BTBD9: variants seen among roughly 807,000 people sequenced by gnomAD.
BTBD9 encodes the protein BTB/POZ domain-containing protein 9.
Under a neutral mutation model 64.3 loss-of-function variants are expected in BTBD9, and 49 were observed. The observed-to-expected ratio is 0.76, with a 90% CI of 0.61 to 0.97. The LOEUF (loss-of-function observed/expected upper bound fraction) is 0.97, where lower values mean the gene tolerates loss of function less well. BTBD9 is among the 50% of genes least tolerant of loss of function. BTBD9 has a pLI of 0.00. For synonymous variants in BTBD9, 260 were observed against 274.7 expected, an observed-to-expected ratio of 0.95 and a Z score of 0.53; for missense variants, 598 against 762.1, an observed-to-expected ratio of 0.78 and a Z score of 2.53.
Position 38,290,175 on chromosome 6 carries a change from G to C in BTBD9, c.1265-1714C>G, listed in dbSNP as rs528688098. Among the ~76,000 whole-genome samples the C allele has an allele frequency of 4.0e-5, 6 of 148,308 alleles. No individual in the cohort carries two copies. In the East Asian group the frequency reaches 1.2e-3, roughly 29 times the overall value. On this transcript the variant is annotated intron_variant, in intron 7 of 10. Transcript: ENST00000481247. Reference sequence around the variant, plus strand: ...CAGAGAAGAAAGGAAGGGAGAGGAGGGAGAGAGAGAGGATGAATTTTTCTG... The same window carrying C: ...CAGAGAAGAAAGGAAGGGAGAGGAGCGAGAGAGAGAGGATGAATTTTTCTG...
chr6:38,180,037 G>C (rs1200525288), intron 10 of BTBD9, among the ~76,000 whole-genome samples: 1 of 152,224 alleles, frequency 6.6e-6, no homozygotes, highest in Admixed American at 6.5e-5. Flanking sequence ...CATCTCTGTT[G>C]ATGATTTAAG....
At chr6:38,527,053 T>C (rs1194304604) in intron 6 of BTBD9, among the ~76,000 whole-genome samples, 1 of 151,722 alleles carries the variant, frequency 6.6e-6, no homozygotes, top group Non-Finnish European at 1.5e-5. Flanking sequence ...GGCAGATGGA[T>C]CATCTGAGGT....
At chr6:38,301,616 A>C (rs1762406335) in intron 7 of BTBD9, among the ~76,000 whole-genome samples, 1 of 152,022 alleles carries the variant, frequency 6.6e-6, no homozygotes, top group South Asian at 2.1e-4. Context: ...GAATTTATCC[A>C]TTTCTTCTAG....
chr6:38,282,307 T>C (rs950985340), intron 8 of BTBD9, among the ~76,000 whole-genome samples: 1 of 152,238 alleles, frequency 6.6e-6, no homozygotes, highest in Admixed American at 6.5e-5. Flanking sequence ...TGCGTAACTT[T>C]TGCTGTGCTT....
intron 6 of BTBD9, among the ~76,000 whole-genome samples, chr6:38,555,178 T>C (rs1385676996): frequency 2.0e-5 from 3 of 152,256 alleles, no homozygotes; most frequent in Admixed American, 2.0e-4. Flanking sequence ...ATCAAGGTTC[T>C]GTTTCTTTGC....
rs576993935 is a variant in BTBD9 at position 38,269,981 on chromosome 6, G to A, written c.1455-13465C>T. ...AAACCGTACAGAAACCAGGCTTTCC[G>A]GTGATAGACACTGGATGACTGAGAG... On this transcript the variant is annotated intron_variant, in intron 8 of 10. Transcript: ENST00000481247. Among the ~76,000 whole-genome samples the A allele has an allele frequency of 7.2e-5, 11 of 152,222 alleles. 1 individual carries two copies. In the South Asian group the frequency reaches 1.9e-3, roughly 26 times the overall value.
At chr6:38,323,497 G>A (rs1040704519) in intron 7 of BTBD9, among the ~76,000 whole-genome samples, 2 of 152,152 alleles carry the variant, frequency 1.3e-5, no homozygotes, top group South Asian at 2.1e-4. Flanking sequence ...TGAGTGTGAG[G>A]TCAGGAATGC....
At chr6:38,255,651 A>G (rs899115027) in intron 9 of BTBD9, among the ~76,000 whole-genome samples, 1 of 152,150 alleles carries the variant, frequency 6.6e-6, no homozygotes, top group Non-Finnish European at 1.5e-5. Flanking sequence ...TTGCATGTGG[A>G]GAAATAAGGT....
intron 6 of BTBD9, among the ~76,000 whole-genome samples, chr6:38,570,861 A>G (rs1775733119): frequency 6.6e-6 from 1 of 152,222 alleles, no homozygotes; most frequent in African/African-American, 2.4e-5. Flanking sequence ...GTTATTTCAC[A>G]AATCACAGAC....
At chr6:38,320,912 T>C (rs1363709254) in intron 7 of BTBD9, among the ~76,000 whole-genome samples, 2 of 152,178 alleles carry the variant, frequency 1.3e-5, no homozygotes, top group Non-Finnish European at 2.9e-5. Flanking sequence ...TCTACCGACC[T>C]GCAAAAAACT....
chr6:38,504,257 T>A lies in BTBD9; in HGVS notation c.1154+73343A>T, dbSNP rs375491025. The stretch of plus-strand genomic sequence containing the variant: ...TTGGACTTCATTTCAAATGCAACAC[T>A]GCTCAGCAATCTTACTACACTCCCG... On this transcript the variant is annotated intron_variant, in intron 6 of 10. Transcript: ENST00000481247. Among the ~76,000 whole-genome samples, 4 of 152,314 alleles carry A rather than the reference T, an allele frequency of 2.6e-5. No individual in the cohort carries two copies. The South Asian group carries it at 8.3e-4, about 32-fold the overall frequency.
At chr6:38,606,074 C>A (rs985223707) in intron 1 of BTBD9, among the ~76,000 whole-genome samples, 1 of 152,176 alleles carries the variant, frequency 6.6e-6, no homozygotes, top group Non-Finnish European at 1.5e-5. Context: ...GAACATCAGA[C>A]CCCAAGTTCT....
At chr6:38,192,757 G>A (rs1484524299) in intron 9 of BTBD9, among the ~76,000 whole-genome samples, 160 bp from the exon 10 acceptor site, 3 of 152,126 alleles carry the variant, frequency 2.0e-5, no homozygotes, top group Non-Finnish European at 2.9e-5. Flanking sequence ...ACGTATGGCT[G>A]AGAGAGGCAG....
In BTBD9 at chr6:38,339,468, C is replaced by CAAGAAA. The variant is rs574911387; in HGVS notation, c.1264+5510_1264+5515dup. Among the ~76,000 whole-genome samples the CAAGAAA allele has an allele frequency of 1.1e-4, 16 of 150,730 alleles. No homozygotes were observed. In the South Asian group the frequency reaches 1.3e-3, roughly 12 times the overall value. ...TGGGCAATAGAGCAAGACCCTGTCTCAAGAAAAAGAAAAAGAAAATAAAAG... is the reference window on the plus strand; with the variant it reads ...TGGGCAATAGAGCAAGACCCTGTCTCAAGAAAAAGAAAAAGAAAAAGAAAATAAAAG... On this transcript the variant is annotated intron_variant, in intron 7 of 10. Transcript: ENST00000481247.
chr6:38,609,418 T>C (rs1024563137), intron 1 of BTBD9, among the ~76,000 whole-genome samples: 1 of 152,198 alleles, frequency 6.6e-6, no homozygotes. Context: ...AGACTTTTCC[T>C]ATAAAACTAT....
At chr6:38,336,249 T>C (rs1431367246) in intron 7 of BTBD9, among the ~76,000 whole-genome samples, 1 of 152,188 alleles carries the variant, frequency 6.6e-6, no homozygotes, top group East Asian at 1.9e-4. Context: ...ACACTGACCA[T>C]TTTGTGTGAA....
chr6:38,588,287 A>G (rs2127485868), intron 4 of BTBD9: 3 of 1,129,162 alleles, frequency 2.7e-6, no homozygotes, highest in Non-Finnish European at 4.1e-6. Flanking sequence ...GCTGCCACAC[A>G]GTACCAGGCA....
intron 9 of BTBD9, among the ~76,000 whole-genome samples, chr6:38,224,343 C>T (rs776384570): frequency 8.5e-5 from 13 of 152,194 alleles, no homozygotes; most frequent in Non-Finnish European, 1.3e-4. Context: ...AGTTGGCAAG[C>T]GCCTGGCCTG....
At chr6:38,487,626 G>GAGAGAGA (rs1771517360) in intron 6 of BTBD9, among the ~76,000 whole-genome samples, 1 of 117,568 alleles carries the variant, frequency 8.5e-6, no homozygotes, top group Non-Finnish European at 1.8e-5. Flanking sequence ...AGAGAGAGAA[G>GAGAGAGA]GAAGGAAAGA....
Sources: gnomAD v4.1 joint callset for allele counts (sites outside exome capture counted in the v4.1 genomes callset) on GRCh38, gnomAD v4.1.1 for gene constraint, MANE v1.5 for transcripts, NCBI Gene and HGNC (gene_info 2026-07-23, HGNC 2026-07-21) for gene names.